The following PLEKHG1 variants were observed in gnomAD, a reference collection of about 807,000 sequenced individuals.
PLEKHG1 encodes pleckstrin homology domain-containing family G member 1.
In PLEKHG1, 44 loss-of-function variants were observed where a neutral mutation model predicts 100.8. The ratio of observed to expected loss-of-function variants is 0.44; its 90% CI spans 0.34 to 0.56. The LOEUF is 0.56. Among genes scored for constraint, PLEKHG1 ranks in the 20% least tolerant of loss-of-function variants. The pLI, the probability that PLEKHG1 is intolerant of heterozygous loss-of-function variation, is 0.01. For synonymous variants in PLEKHG1, 640 were observed against 662.5 expected, an observed-to-expected ratio of 0.97 and a Z score of 0.52; for missense variants, 1,545 against 1,720.9, an observed-to-expected ratio of 0.90 and a Z score of 1.81.
intron 3 of PLEKHG1, among the ~76,000 whole-genome samples, chr6:150,707,155 C>T (rs892468471): frequency 6.6e-6 from 1 of 151,772 alleles, no homozygotes; most frequent in East Asian, 1.9e-4. Flanking sequence ...CAGGTGCGCG[C>T]CACCATGCCT....
intron 4 of PLEKHG1, among the ~76,000 whole-genome samples, chr6:150,795,146 T>C (rs1272901591): frequency 1.3e-5 from 2 of 152,074 alleles, no homozygotes; most frequent in African/African-American, 4.8e-5. Context: ...CCCAGCACTT[T>C]GAGAGGCTGA....
At chr6:150,801,104 C>T (rs1479467153) in intron 6 of PLEKHG1, among the ~76,000 whole-genome samples, 1 of 152,188 alleles carries the variant, frequency 6.6e-6, no homozygotes, top group East Asian at 1.9e-4. Flanking sequence ...TCTGATGGGG[C>T]TTAGGAGTGC....
At chr6:150,782,714 A>G (rs1785383567) in intron 3 of PLEKHG1, among the ~76,000 whole-genome samples, 1 of 152,212 alleles carries the variant, frequency 6.6e-6, no homozygotes, top group African/African-American at 2.4e-5. Context: ...CAAAAAGGGG[A>G]AATAATGCTA....
At chr6:150,634,338 T>C (rs1020581356) in intron 1 of PLEKHG1, among the ~76,000 whole-genome samples, 1 of 149,596 alleles carries the variant, frequency 6.7e-6, no homozygotes, top group African/African-American at 2.5e-5. Flanking sequence ...AATATGAGAA[T>C]GTAGTAAAAT....
intron 3 of PLEKHG1, among the ~76,000 whole-genome samples, chr6:150,712,524 A>G (rs1781277503): frequency 6.6e-6 from 1 of 152,200 alleles, no homozygotes; most frequent in Non-Finnish European, 1.5e-5. Flanking sequence ...TCTTTCATTT[A>G]CTTGTAAAGG....
intron 3 of PLEKHG1, among the ~76,000 whole-genome samples, chr6:150,681,493 ACT>A (rs1314414299): frequency 3.5e-5 from 5 of 142,164 alleles, no homozygotes; most frequent in Admixed American, 2.2e-4. Flanking sequence ...ACAGAGCGTG[ACT>A]CTGTCTCAAA....
At chr6:150,821,365 G>A (rs571548803) in intron 13 of PLEKHG1, 132 bp downstream of exon 14, 5 of 680,860 alleles carry the variant, frequency 7.3e-6, no homozygotes, top group Non-Finnish European at 7.6e-6. Flanking sequence ...ATTAACTTCT[G>A]TAAATAAAAG....
intron 4 of PLEKHG1, among the ~76,000 whole-genome samples, chr6:150,787,030 C>CAAAAAAA (rs555809522): frequency 1.7e-5 from 1 of 57,994 alleles, no homozygotes; most frequent in African/African-American, 5.2e-5. Context: ...GACTCTGTCT[C>CAAAAAAA]AAAAAAAAAA....
intron 1 of PLEKHG1, among the ~76,000 whole-genome samples, chr6:150,731,825 G>T (rs948688507): frequency 3.3e-5 from 5 of 152,136 alleles, no homozygotes; most frequent in Non-Finnish European, 5.9e-5. Flanking sequence ...ATTTGAGGGA[G>T]AAATGTTGAC....
intron 15 of PLEKHG1, among the ~76,000 whole-genome samples, chr6:150,836,551 TCA>T (rs1283011525): frequency 6.6e-6 from 1 of 152,014 alleles, no homozygotes; most frequent in Non-Finnish European, 1.5e-5. Context: ...GCGAGGTGGC[TCA>T]CACGTGTAAT....
chr6:150,732,155 C>T (rs542219900), intron 1 of PLEKHG1, among the ~76,000 whole-genome samples: 4 of 152,032 alleles, frequency 2.6e-5, no homozygotes, highest in Non-Finnish European at 5.9e-5. Flanking sequence ...TTAGTAGAGA[C>T]GAGGTTTCAC....
chr6:150,730,472 A>T (rs73608799), intron 1 of PLEKHG1, among the ~76,000 whole-genome samples: 27,036 of 151,876 alleles, frequency 0.18, 3,715 homozygotes, highest in African/African-American at 0.38. Flanking sequence ...TCGTGCTCCT[A>T]TGAGAATCTA....
chr6:150,757,402 A>C (rs1160865216), intron 2 of PLEKHG1, among the ~76,000 whole-genome samples: 2 of 152,144 alleles, frequency 1.3e-5, no homozygotes, highest in African/African-American at 2.4e-5. Flanking sequence ...TTGTTACTTG[A>C]TTTCTGAACA....
chr6:150,771,741 G>T (rs1429393936), intron 3 of PLEKHG1, among the ~76,000 whole-genome samples: 3 of 151,898 alleles, frequency 2.0e-5, no homozygotes, highest in Admixed American at 2.0e-4. Flanking sequence ...ATTAGTTCAG[G>T]TCCAAGTTTT....
intron 4 of PLEKHG1, among the ~76,000 whole-genome samples, chr6:150,789,957 T>C (rs1293365028): frequency 6.6e-6 from 1 of 152,190 alleles, no homozygotes; most frequent in African/African-American, 2.4e-5. Context: ...GTCATTGCCA[T>C]GTGAAACTGC....
intron 3 of PLEKHG1, among the ~76,000 whole-genome samples, chr6:150,777,631 T>C (rs945579438): frequency 4.7e-5 from 7 of 149,954 alleles, no homozygotes; most frequent in Admixed American, 6.6e-5. Context: ...TGGTTGCACA[T>C]TACTCACACT....
chr6:150,688,383 T>C (rs1006148276), intron 3 of PLEKHG1, among the ~76,000 whole-genome samples: 4 of 152,058 alleles, frequency 2.6e-5, no homozygotes, highest in African/African-American at 9.7e-5. Context: ...TGTAGTGGCG[T>C]GATCTTGGCT....
intron 2 of PLEKHG1, among the ~76,000 whole-genome samples, chr6:150,640,155 G>A (rs957654721): frequency 2.6e-5 from 4 of 152,266 alleles, no homozygotes; most frequent in African/African-American, 4.8e-5. Flanking sequence ...CGTCCCGCCA[G>A]TAGGACCGAT....
chr6:150,683,749 C>A lies in PLEKHG1; in HGVS notation c.-99+32963C>A. On this transcript the variant is annotated intron_variant, in intron 3 of 3. Transcript: ENST00000367326. This position sits in a 1 kb window ranked among gnomAD's most constrained non-coding sequence, Gnocchi z 4.0. ...CTGCGCTAGTATCCAGGGCATAGGA[C>A]GTCTGAAGGAAAGATGGAGCCATTC... 7.8e-7 allele frequency: 1 copy of A among 1,279,250 alleles called. No homozygotes were observed. The highest frequency in any genetic ancestry group is 1.0e-6 in the Non-Finnish European group (1 of 982,786). 79.2% of individuals were successfully genotyped at this position (1,279,250 alleles called of 1,614,324 possible). A position where few individuals can be genotyped will look rare whatever the true frequency, so the allele number is the denominator to read the frequency against.
Sources: allele counts gnomAD v4.1 joint callset (sites outside exome capture counted in the v4.1 genomes callset), GRCh38; gene constraint gnomAD v4.1.1; non-coding constraint Gnocchi (gnomAD v3.1); transcripts MANE v1.5; gene names NCBI Gene and HGNC (gene_info 2026-07-23, HGNC 2026-07-21).